The following RNF175 variants were observed in gnomAD, a reference collection of about 807,000 sequenced individuals.
RNF175 encodes ring finger protein 175.
RNF175 carries 38 observed loss-of-function variants against 50.0 expected under a neutral mutation model. The ratio of observed to expected loss-of-function variants is 0.76; its 90% confidence interval spans 0.59 to 1.00. The LOEUF is 1.00. Ranked by LOEUF, RNF175 falls within the 50% of genes least tolerant of loss-of-function variation. The pLI, the probability that RNF175 is intolerant of heterozygous loss-of-function variation, is 0.00. For missense variants in RNF175, 388 were observed against 409.6 expected (o/e 0.95, Z 0.46); for synonymous variants, 155 against 146.1 (o/e 1.06, Z -0.44).
At chr4:153,739,327 AG>A (rs1314603446) in intron 3 of RNF175, among the ~76,000 whole-genome samples, 4 of 152,124 alleles carry the variant, frequency 2.6e-5, no homozygotes, top group Non-Finnish European at 5.9e-5. Flanking sequence ...AGGCTGAGGC[AG>A]GAGAATTGCT....
chr4:153,740,697 G>A (rs1477899351), intron 3 of RNF175, among the ~76,000 whole-genome samples: 1 of 151,996 alleles, frequency 6.6e-6, no homozygotes, highest in African/African-American at 2.4e-5. Flanking sequence ...TAAATTCCTG[G>A]TCTGATAATT....
intron 4 of RNF175, among the ~76,000 whole-genome samples, chr4:153,727,056 A>C (rs1738739701): frequency 1.3e-5 from 2 of 152,246 alleles, no homozygotes; most frequent in South Asian, 2.1e-4. Flanking sequence ...TCTACAGTGG[A>C]TAGGCGAACC....
At chr4:153,758,615 G>A (rs62325108) in intron 1 of RNF175, among the ~76,000 whole-genome samples, 26,679 of 152,098 alleles carry the variant, frequency 0.18, 3,069 homozygotes, top group Non-Finnish European at 0.25. Flanking sequence ...AAGTCATGGA[G>A]TTTCATTTTA....
rs574219731 is a variant in RNF175 at position 153,733,374 on chromosome 4, C to G, written c.247-5013G>C. ...TATAAGTGCACTTCCTACTTTTTTT[C>G]TAACTTCCATCCCTTGCTTTTCTGT... On this transcript the variant is annotated intron_variant, in intron 3 of 8. Coordinates refer to ENST00000347063, the MANE Select transcript of RNF175 (RefSeq NM_173662.4). Among the ~76,000 whole-genome samples the G allele has an allele frequency of 5.9e-5, 9 of 152,204 alleles. No individual in the cohort carries two copies. In the South Asian group the frequency reaches 1.7e-3, roughly 28 times the overall value.
At position 153,724,322 on chromosome 4, in the gene RNF175, C is replaced by T. The variant is rs185682458; in HGVS notation, c.402-864G>A. 2.0e-3 allele frequency among the ~76,000 whole-genome samples: 305 copies of T among 152,268 alleles called. 1 individual carries two copies. The highest frequency in any genetic ancestry group is 6.1e-3 in the African/African-American group (255 of 41,544). On this transcript the variant is annotated intron_variant, in intron 4 of 8. Coordinates refer to ENST00000347063, the MANE Select transcript of RNF175 (RefSeq NM_173662.4). ...GAGCCCAGTTCCATTCTTGGAGGGC[C>T]ACAGCAGAGGGGCTATGCCCATTGG...
chr4:153,743,539 C>G (rs1335380248), intron 3 of RNF175, among the ~76,000 whole-genome samples: 5 of 152,072 alleles, frequency 3.3e-5, no homozygotes, highest in East Asian at 3.9e-4. Context: ...CTGTCCTTGA[C>G]TATGGTGGGG....
Position 153,756,989 on chromosome 4 carries a change from C to T in RNF175, c.66+2808G>A, listed in dbSNP as rs577194843. Among the ~76,000 whole-genome samples, 3 of 152,276 alleles carry T rather than the reference C, an allele frequency of 2.0e-5. No homozygotes were observed. The East Asian group carries it at 5.8e-4, about 29-fold the overall frequency. On this transcript the variant is annotated intron_variant, in intron 1 of 8. Coordinates refer to ENST00000347063, the MANE Select transcript of RNF175 (RefSeq NM_173662.4). Reference sequence around the variant, plus strand: ...AAAGGTAGACTGATCCTATTGTCTTCCTGCCTGAAATCCAACATGGCTCAC... The same window carrying T: ...AAAGGTAGACTGATCCTATTGTCTTTCTGCCTGAAATCCAACATGGCTCAC...
At position 153,715,518 on chromosome 4, in the gene RNF175, G is replaced by A. The variant is rs765988021; in HGVS notation, c.764+11C>T. ...TGATGAAGCCCAAACAATTTCCTTT[G>A]AAAAGGATACACATGATTACAGGAA... On this transcript the variant is annotated intron_variant, in intron 7 of 8. Transcript: ENST00000347063. 6 of 1,573,720 alleles carry A rather than the reference G, an allele frequency of 3.8e-6. No homozygotes were observed. Among genetic ancestry groups the A allele is most frequent in the East Asian group, 2.3e-5 (1 of 42,674 alleles).
At chr4:153,728,110 C>G in intron 4 of RNF175, 97 bp downstream of exon 4, 1 of 783,944 alleles carries the variant, frequency 1.3e-6, no homozygotes, top group Non-Finnish European at 1.9e-6. Flanking sequence ...AGAAATGTAA[C>G]CCCCCCACTC....
At chr4:153,718,468 G>A (rs151054508) in intron 6 of RNF175, among the ~76,000 whole-genome samples, 8 of 151,930 alleles carry the variant, frequency 5.3e-5, no homozygotes, top group East Asian at 1.9e-4. Context: ...AGATTTGGTC[G>A]CTGGAATAAA....
Position 153,748,729 on chromosome 4 carries a change from T to C in RNF175, c.162A>G (p.Glu54=). The change falls in exon 3 of 9, where the codon GAA becomes GAG. Residue 54 remains glutamate, a synonymous_variant. Transcript: ENST00000347063. ...MHRGHDSMHV[E]MILIFLCVLV... ...GAACGCAGAGGAAGATCAAGATCAT[T>C]TCCACGTGCATGGAATCGTGGCCCC... The C allele has an allele frequency of 2.5e-6, 4 of 1,611,474 alleles. No homozygotes were observed. Among genetic ancestry groups the C allele is most frequent in the Non-Finnish European group, 2.5e-6 (3 of 1,178,946 alleles).
At chr4:153,729,386 G>A (rs370011953) in intron 3 of RNF175, among the ~76,000 whole-genome samples, 180 of 152,336 alleles carry the variant, frequency 1.2e-3, no homozygotes, top group African/African-American at 4.3e-3. Flanking sequence ...TGCCAGCAAT[G>A]TGGGAAGAGT....
intron 3 of RNF175, among the ~76,000 whole-genome samples, chr4:153,733,450 C>T (rs1195371843): frequency 6.6e-6 from 1 of 152,198 alleles, no homozygotes; most frequent in African/African-American, 2.4e-5. Flanking sequence ...CTGCTATTTA[C>T]TTAATTGTTC....
At chr4:153,749,540 G>T (rs1184318149) in intron 2 of RNF175, among the ~76,000 whole-genome samples, 1 of 152,192 alleles carries the variant, frequency 6.6e-6, no homozygotes, top group Non-Finnish European at 1.5e-5. Flanking sequence ...TCTTAGACAT[G>T]CACAGACATT....
At chr4:153,742,479 G>A (rs1295027865) in intron 3 of RNF175, among the ~76,000 whole-genome samples, 2 of 152,144 alleles carry the variant, frequency 1.3e-5, no homozygotes, top group South Asian at 2.1e-4. Flanking sequence ...GATTACGTTT[G>A]CACAAACGTT....
At chr4:153,736,011 T>C (rs1002512466) in intron 3 of RNF175, among the ~76,000 whole-genome samples, 3 of 152,228 alleles carry the variant, frequency 2.0e-5, no homozygotes, top group Non-Finnish European at 4.4e-5. Flanking sequence ...CAATGTTGAA[T>C]AGGAGTGGTG....
chr4:153,734,792 C>T (rs1043650880), intron 3 of RNF175, among the ~76,000 whole-genome samples: 6 of 150,590 alleles, frequency 4.0e-5, no homozygotes, highest in Admixed American at 1.3e-4. Flanking sequence ...TCTCCTGCCT[C>T]AGCCTCCCGA....
intron 1 of RNF175, among the ~76,000 whole-genome samples, chr4:153,751,796 TC>T (rs572363193): frequency 4.9e-4 from 74 of 152,370 alleles, no homozygotes; most frequent in African/African-American, 1.8e-3. Flanking sequence ...GCCATGCTAC[TC>T]TGGCTTCTAG....
At chr4:153,730,213 G>A (rs1738952612) in intron 3 of RNF175, among the ~76,000 whole-genome samples, 1 of 152,140 alleles carries the variant, frequency 6.6e-6, no homozygotes, top group South Asian at 2.1e-4. Context: ...GGGAGGCGGG[G>A]GTGGATGAAT....
Sources: gnomAD v4.1 joint callset for allele counts (sites outside exome capture counted in the v4.1 genomes callset) on GRCh38, gnomAD v4.1.1 for gene constraint, MANE v1.5 for transcripts, NCBI Gene and HGNC (gene_info 2026-07-23, HGNC 2026-07-21) for gene names.